XKR9: variants seen among roughly 807,000 people sequenced by gnomAD.
XKR9 encodes the protein XK-related protein 9.
In XKR9, 32 loss-of-function variants were observed where a neutral mutation model predicts 32.0. That is an observed-to-expected ratio of 1.00 (90% CI 0.76 to 1.34). XKR9 has a LOEUF of 1.34. XKR9 is among the 40% of genes most tolerant of loss of function. The probability of loss-of-function intolerance (pLI) is 0.00; values close to 1 mark genes in which losing one functional copy is unlikely to be tolerated. For missense variants in XKR9, 546 were observed against 429.7 expected, an observed-to-expected ratio of 1.27 and a Z score of -2.39; for synonymous variants, 168 against 143.4, an observed-to-expected ratio of 1.17 and a Z score of -1.22.
intron 2 of XKR9, among the ~76,000 whole-genome samples, chr8:70,763,958 T>G (rs7012796): frequency 0.53 from 81,109 of 152,062 alleles, 22,634 homozygotes; most frequent in Middle Eastern, 0.62. Flanking sequence ...TTCAGGCCCT[T>G]GTAGTCCAAC....
At chr8:70,716,567 A>G (rs1586850021) in intron 4 of XKR9, among the ~76,000 whole-genome samples, 1 of 152,140 alleles carries the variant, frequency 6.6e-6, no homozygotes. Flanking sequence ...GTGAGAACCT[A>G]CTATCACGAG....
At chr8:70,895,627 C>G in the XKR9 span, among the ~76,000 whole-genome samples, 55 of 152,054 alleles carry the variant, frequency 3.6e-4, no homozygotes, top group African/African-American at 1.3e-3. Context: ...TGTCTTTCAC[C>G]ATTACTTATT....
the XKR9 span, among the ~76,000 whole-genome samples, chr8:70,812,562 T>C: frequency 2.6e-5 from 4 of 152,138 alleles, no homozygotes; most frequent in African/African-American, 9.7e-5. Context: ...CAGCCCAAAA[T>C]CTCCTTAAGC....
At chr8:70,758,857 A>AC (rs1807266540) in intron 2 of XKR9, among the ~76,000 whole-genome samples, 1 of 152,184 alleles carries the variant, frequency 6.6e-6, no homozygotes, top group Non-Finnish European at 1.5e-5. Flanking sequence ...CTCTCCTTAT[A>AC]TGGCCTTACC....
chr8:71,002,344 A>G, the XKR9 span, among the ~76,000 whole-genome samples: 1 of 151,902 alleles, frequency 6.6e-6, no homozygotes, highest in Admixed American at 6.6e-5. Context: ...TTTAATGTTT[A>G]AAATAAAAGC....
At chr8:70,964,869 A>C in the XKR9 span, among the ~76,000 whole-genome samples, 3 of 152,170 alleles carry the variant, frequency 2.0e-5, no homozygotes, top group African/African-American at 4.8e-5. Context: ...GCAGTTTTCC[A>C]GATATAGGAT....
chr8:71,055,681 CTGTTATGAAACATCTTAGAAAAAT>C, the XKR9 span, among the ~76,000 whole-genome samples: 2 of 152,148 alleles, frequency 1.3e-5, no homozygotes, highest in Non-Finnish European at 2.9e-5. Flanking sequence ...TGCATTTTCA[CTGTTATGAAACATCTTAGAAAAAT>C]TGAAAAGTCA....
At chr8:70,814,720 A>G in the XKR9 span, among the ~76,000 whole-genome samples, 1 of 152,234 alleles carries the variant, frequency 6.6e-6, no homozygotes, top group Non-Finnish European at 1.5e-5. Flanking sequence ...GTTGTTCAAC[A>G]TTGCTAGTAC....
chr8:71,044,927 A>C, the XKR9 span, among the ~76,000 whole-genome samples: 1 of 152,226 alleles, frequency 6.6e-6, no homozygotes, highest in African/African-American at 2.4e-5. Context: ...GAAATTCTGT[A>C]GGCTAGAAAT....
chr8:70,742,920 C>T (rs1410572986), intron 2 of XKR9, among the ~76,000 whole-genome samples: 3 of 151,946 alleles, frequency 2.0e-5, no homozygotes, highest in Non-Finnish European at 4.4e-5. Context: ...ATTTCTCCTG[C>T]ATAGGATTCT....
At chr8:70,973,527 A>G in the XKR9 span, among the ~76,000 whole-genome samples, 2 of 151,856 alleles carry the variant, frequency 1.3e-5, no homozygotes, top group African/African-American at 4.8e-5. Flanking sequence ...TTGTTTCTCC[A>G]GTTCCATGAG....
downstream of XKR9, among the ~76,000 whole-genome samples, chr8:70,794,819 TC>T (rs1380287955): frequency 3.6e-4 from 33 of 92,014 alleles, no homozygotes; most frequent in African/African-American, 1.5e-3. Context: ...CTTGTAGTCT[TC>T]TTTTGTGTGT....
intron 2 of XKR9, among the ~76,000 whole-genome samples, chr8:70,775,244 A>G (rs935684161): frequency 1.3e-5 from 2 of 151,960 alleles, no homozygotes; most frequent in Non-Finnish European, 2.9e-5. Context: ...GGTATTTTTT[A>G]TGTACAGTCA....
At chr8:71,032,851 G>A in the XKR9 span, among the ~76,000 whole-genome samples, 4 of 152,120 alleles carry the variant, frequency 2.6e-5, no homozygotes, top group Non-Finnish European at 2.9e-5. Context: ...TTGGGAGGCC[G>A]CAGCAGGTGG....
chr8:70,885,193 A>G, the XKR9 span, among the ~76,000 whole-genome samples: 974 of 152,164 alleles, frequency 6.4e-3, 18 homozygotes, highest in African/African-American at 0.022. Flanking sequence ...ATTGCTGGTA[A>G]GTAGGAAAGC....
At chr8:70,886,175 A>G in the XKR9 span, among the ~76,000 whole-genome samples, 50 of 152,266 alleles carry the variant, frequency 3.3e-4, no homozygotes, top group Admixed American at 1.8e-3. Context: ...TTTGCTGAGA[A>G]TGATCGTTTC....
intron 2 of XKR9, among the ~76,000 whole-genome samples, chr8:70,675,708 C>T (rs1423140829): frequency 9.2e-5 from 14 of 152,152 alleles, no homozygotes; most frequent in Non-Finnish European, 4.4e-5. Flanking sequence ...AAGCTTTTTG[C>T]TGAGGCATAA....
the XKR9 span, among the ~76,000 whole-genome samples, chr8:70,899,860 C>T: frequency 6.6e-6 from 1 of 151,958 alleles, no homozygotes; most frequent in Non-Finnish European, 1.5e-5. Flanking sequence ...TATTTTGTTG[C>T]TAATAACAAA....
chr8:70,723,887 C>CTTTTTT (rs4008977), intron 4 of XKR9, among the ~76,000 whole-genome samples: 1 of 139,780 alleles, frequency 7.2e-6, no homozygotes, highest in African/African-American at 2.7e-5. Context: ...TAGGTGGGAA[C>CTTTTTT]TTTTTTTTTT....
Sources: gnomAD v4.1 joint callset for allele counts (sites outside exome capture counted in the v4.1 genomes callset) on GRCh38, gnomAD v4.1.1 for gene constraint, MANE v1.5 for transcripts, NCBI Gene and HGNC (gene_info 2026-07-23, HGNC 2026-07-21) for gene names.